DOK6: variants seen among roughly 807,000 people sequenced by gnomAD.
The protein encoded by DOK6 is downstream of tyrosine kinase 6.
In DOK6, 22 loss-of-function variants were observed where a neutral mutation model predicts 44.0. The observed-to-expected ratio is 0.50, with a 90% CI of 0.36 to 0.71. The LOEUF (loss-of-function observed/expected upper bound fraction) is 0.71. DOK6 is among the 30% of genes least tolerant of loss of function. The probability of loss-of-function intolerance (pLI) is 0.00; values close to 1 mark genes in which losing one functional copy is unlikely to be tolerated. For missense variants in DOK6, 340 were observed against 416.4 expected, an observed-to-expected ratio of 0.82 and a Z score of 1.60; for synonymous variants, 166 against 145.5, an observed-to-expected ratio of 1.14 and a Z score of -1.01.
intron 1 of DOK6, among the ~76,000 whole-genome samples, chr18:69,534,321 A>C (rs1315094473): frequency 1.3e-5 from 2 of 152,176 alleles, no homozygotes; most frequent in Non-Finnish European, 2.9e-5. Flanking sequence ...TTGCAAATGC[A>C]TGAAAGTGAT....
intron 7 of DOK6, among the ~76,000 whole-genome samples, chr18:69,789,372 G>A (rs2164488): frequency 0.15 from 22,361 of 151,942 alleles, 2,728 homozygotes; most frequent in African/African-American, 0.33. Flanking sequence ...ATTAATGCTT[G>A]CATTATGTTG....
intron 3 of DOK6, among the ~76,000 whole-genome samples, chr18:69,608,886 G>A (rs1984065636): frequency 6.9e-6 from 1 of 145,226 alleles, no homozygotes; most frequent in East Asian, 2.1e-4. Flanking sequence ...GGAGGTGGAG[G>A]TTGCAGTGAG....
At chr18:69,594,065 T>G (rs931341324) in intron 2 of DOK6, among the ~76,000 whole-genome samples, 3 of 152,162 alleles carry the variant, frequency 2.0e-5, no homozygotes, top group African/African-American at 7.2e-5. Flanking sequence ...AAGTTAAGCT[T>G]TATTTCAGAA....
chr18:69,427,504 A>G (rs1978674018), intron 1 of DOK6, among the ~76,000 whole-genome samples: 1 of 152,212 alleles, frequency 6.6e-6, no homozygotes, highest in Non-Finnish European at 1.5e-5. Flanking sequence ...ATACACTGTT[A>G]GTGGGAGTGT....
intron 1 of DOK6, among the ~76,000 whole-genome samples, chr18:69,495,541 T>A (rs1420317208): frequency 6.6e-6 from 1 of 152,054 alleles, no homozygotes; most frequent in Non-Finnish European, 1.5e-5. Flanking sequence ...TCTATAGGCA[T>A]TCAAAGGGGA....
At chr18:69,627,301 C>T (rs1049106917) in intron 3 of DOK6, among the ~76,000 whole-genome samples, 20 of 152,174 alleles carry the variant, frequency 1.3e-4, no homozygotes, top group African/African-American at 3.9e-4. Context: ...CAAGGAAAGA[C>T]ATTTCAGTTG....
At chr18:69,448,060 A>C (rs1486687120) in intron 1 of DOK6, among the ~76,000 whole-genome samples, 1 of 152,204 alleles carries the variant, frequency 6.6e-6, no homozygotes, top group East Asian at 1.9e-4. Context: ...TCATTTTGGC[A>C]CTAGCAGCCT....
intron 1 of DOK6, 70 bp downstream of exon 1, chr18:69,401,380 C>T: frequency 7.3e-7 from 1 of 1,369,208 alleles, no homozygotes; most frequent in Non-Finnish European, 9.6e-7. Flanking sequence ...GGGGGGGGGG[C>T]AGGGAGAGGT....
At chr18:69,472,395 A>G (rs1876963973) in intron 1 of DOK6, among the ~76,000 whole-genome samples, 1 of 152,198 alleles carries the variant, frequency 6.6e-6, no homozygotes, top group South Asian at 2.1e-4. Context: ...TTAGAAGAAA[A>G]GGTGGCACAT....
Position 69,660,201 on chromosome 18 carries a change from C to T in DOK6, c.290-17533C>T, listed in dbSNP as rs570236412. 20 of 152,114 alleles carry T rather than the reference C, an allele frequency of 1.3e-4. 1 individual carries two copies. The South Asian group carries it at 3.5e-3, about 27-fold the overall frequency. The allele number at this position is 152,114 out of a possible 1,614,324, so 9.4% of individuals were successfully genotyped here. On this transcript the variant is annotated intron_variant, in intron 3 of 7. Coordinates refer to ENST00000382713, the MANE Select transcript of DOK6 (RefSeq NM_152721.6). Reference sequence around the variant, plus strand: ...CACGCTTTTCAAACTAGTTTCTGTACGTCTGAAACAAACCCTCTGCATGGA... The same window carrying T: ...CACGCTTTTCAAACTAGTTTCTGTATGTCTGAAACAAACCCTCTGCATGGA...
intron 5 of DOK6, among the ~76,000 whole-genome samples, chr18:69,720,429 G>T (rs1465146594): frequency 6.6e-6 from 1 of 151,980 alleles, no homozygotes; most frequent in Non-Finnish European, 1.5e-5. Context: ...AGACAATGAA[G>T]AAATTTTCAA....
At chr18:69,798,379 G>A (rs1980808738) in intron 7 of DOK6, among the ~76,000 whole-genome samples, 1 of 152,054 alleles carries the variant, frequency 6.6e-6, no homozygotes, top group Middle Eastern at 3.2e-3. Context: ...ACAGGCTAAA[G>A]GATTGTAAGA....
chr18:69,700,206 C>CATATACATATATATATAT (rs1986482934), intron 5 of DOK6, among the ~76,000 whole-genome samples: 1 of 72,102 alleles, frequency 1.4e-5, no homozygotes, highest in Non-Finnish European at 3.1e-5. Flanking sequence ...GTTAGTTTTA[C>CATATACATATATATATAT]ATATATATAC....
chr18:69,832,118 T>A (rs1981917163), intron 7 of DOK6, among the ~76,000 whole-genome samples: 1 of 152,178 alleles, frequency 6.6e-6, no homozygotes, highest in Non-Finnish European at 1.5e-5. Context: ...CAGTTCTTAG[T>A]GGAAAGGCTT....
At chr18:69,542,253 C>T (rs1982289140) in intron 1 of DOK6, among the ~76,000 whole-genome samples, 1 of 150,640 alleles carries the variant, frequency 6.6e-6, no homozygotes, top group Non-Finnish European at 1.5e-5. Context: ...TTATGCCAAA[C>T]TTTAAGCTAC....
chr18:69,728,967 C>G (rs1367104580), intron 5 of DOK6, among the ~76,000 whole-genome samples: 1 of 152,168 alleles, frequency 6.6e-6, no homozygotes, highest in African/African-American at 2.4e-5. Context: ...CCCACTCATC[C>G]TACTCACCCC....
intron 1 of DOK6, among the ~76,000 whole-genome samples, chr18:69,540,448 G>A (rs1982238233): frequency 6.6e-6 from 1 of 151,942 alleles, no homozygotes; most frequent in Non-Finnish European, 1.5e-5. Context: ...AGTTCCCAGG[G>A]ACTGATTTAC....
At chr18:69,518,614 G>A (rs920460263) in intron 1 of DOK6, among the ~76,000 whole-genome samples, 1 of 152,284 alleles carries the variant, frequency 6.6e-6, no homozygotes, top group South Asian at 2.1e-4. Flanking sequence ...ACATGAGATG[G>A]TAACTGTGGG....
chr18:69,479,428 C>T (rs1368724963), intron 1 of DOK6, among the ~76,000 whole-genome samples: 2 of 151,960 alleles, frequency 1.3e-5, no homozygotes, highest in Non-Finnish European at 1.5e-5. Flanking sequence ...AAAGGGATGT[C>T]GAGCCAGTTA....
Sources: allele counts gnomAD v4.1 joint callset (sites outside exome capture counted in the v4.1 genomes callset), GRCh38; gene constraint gnomAD v4.1.1; transcripts MANE v1.5; gene names NCBI Gene and HGNC (gene_info 2026-07-23, HGNC 2026-07-21).